Variants in TMPRSS2 observed in about 807,000 individuals in gnomAD.
TMPRSS2 encodes the protein transmembrane protease serine 2.
Under a neutral mutation model 67.4 loss-of-function variants are expected in TMPRSS2, and 59 were observed. The ratio of observed to expected loss-of-function variants is 0.88; its 90% CI spans 0.71 to 1.09. The LOEUF (loss-of-function observed/expected upper bound fraction) is 1.09. Ranked by LOEUF, TMPRSS2 falls within the 50% of genes least tolerant of loss-of-function variation. The pLI is 0.00. For synonymous variants in TMPRSS2, 257 were observed against 257.0 expected (o/e 1.00, Z 0.00); for missense variants, 668 against 642.7 (o/e 1.04, Z -0.43).
At position 41,479,341 on chromosome 21, in the gene TMPRSS2, T is replaced by C. The variant is rs112985398; in HGVS notation, c.573-59A>G. On this transcript the variant is annotated intron_variant, in intron 6 of 13. Coordinates refer to ENST00000332149, the MANE Select transcript of TMPRSS2 (RefSeq NM_005656.4). ...AAGGCATAAGCAAACACAAATCCTATACTATGTCATAATACCGCTCATACG... is the reference window on the plus strand; with the variant it reads ...AAGGCATAAGCAAACACAAATCCTACACTATGTCATAATACCGCTCATACG... 1,981 of 1,297,468 alleles carry C rather than the reference T, an allele frequency of 1.5e-3. 23 individuals are homozygous for C. In the African/African-American group the frequency reaches 0.025, roughly 17 times the overall value. The allele number at this position is 1,297,468 out of a possible 1,614,324, so 80.4% of individuals were successfully genotyped here. A position where few individuals can be genotyped will look rare whatever the true frequency, so the allele number is the denominator to read the frequency against.
rs2091247632 is a variant in TMPRSS2, at chr21:41,480,388, CG to C, written c.572+87del. The C allele has an allele frequency of 4.5e-6, 7 of 1,560,584 alleles. No individual in the cohort carries two copies. The South Asian group carries it at 8.4e-5, about 19-fold the overall frequency. On this transcript the variant is annotated intron_variant, in intron 6 of 13. Coordinates refer to ENST00000332149, the MANE Select transcript of TMPRSS2 (RefSeq NM_005656.4). ...ACAATTGTCCCCAGCACTCATGTGC[CG>C]GTGCTTTCACAGGGAGGCAGAGAGA...
chr21:41,503,122 A>AT (rs1356535600), intron 1 of TMPRSS2, among the ~76,000 whole-genome samples: 8 of 152,158 alleles, frequency 5.3e-5, no homozygotes, highest in Non-Finnish European at 4.4e-5. Flanking sequence ...TGCAGGAAAA[A>AT]ATATATATTT....
chr21:41,505,950 T>C (rs183385542), intron 1 of TMPRSS2, among the ~76,000 whole-genome samples: 99 of 152,312 alleles, frequency 6.5e-4, no homozygotes, highest in Non-Finnish European at 1.0e-4. Context: ...TACAAGATCT[T>C]GGACAAGCTT....
intron 5 of TMPRSS2, among the ~76,000 whole-genome samples, chr21:41,484,598 G>A (rs1188530502): frequency 1.3e-5 from 2 of 152,320 alleles, no homozygotes; most frequent in Middle Eastern, 3.4e-3. Flanking sequence ...ACAGCGTTAT[G>A]TTTGTCTGTT....
chr21:41,473,309 G>A lies in TMPRSS2; in HGVS notation c.899+16C>T, dbSNP rs769402700. 8.9e-6 allele frequency: 14 copies of A among 1,569,666 alleles called. No individual in the cohort carries two copies. The highest frequency in any genetic ancestry group is 4.7e-5 in the East Asian group (2 of 42,756). The stretch of plus-strand genomic sequence containing the variant: ...AGCCCTGAGCCCCCACCCGGCCCGC[G>A]CCGCCCCTGGCATACTTTTCCACGC... On this transcript the variant is annotated intron_variant, in intron 9 of 13. Transcript: ENST00000332149.
intron 11 of TMPRSS2, among the ~76,000 whole-genome samples, chr21:41,470,045 T>A (rs1380999493): frequency 6.6e-6 from 1 of 152,162 alleles, no homozygotes; most frequent in Non-Finnish European, 1.5e-5. Context: ...GGATTTGTTG[T>A]CTGTATGGCC....
At chr21:41,496,750 T>C (rs1184386938) in intron 2 of TMPRSS2, among the ~76,000 whole-genome samples, 1 of 151,710 alleles carries the variant, frequency 6.6e-6, no homozygotes, top group Non-Finnish European at 1.5e-5. Flanking sequence ...GGAGGCCACG[T>C]TTTCCTCTTA....
At chr21:41,486,971 C>T (rs1393660055) in intron 5 of TMPRSS2, 5 of 152,156 alleles carry the variant, frequency 3.3e-5, no homozygotes, top group African/African-American at 1.2e-4. Context: ...TTATGGAAAA[C>T]AGTATGGAGT....
At chr21:41,468,601 C>T in intron 11 of TMPRSS2, 63 bp from the exon 12 acceptor site, 3 of 1,576,614 alleles carry the variant, frequency 1.9e-6, no homozygotes, top group Non-Finnish European at 2.6e-6. Context: ...GGAGAGCACA[C>T]TTCCCTCCCT....
intron 1 of TMPRSS2, among the ~76,000 whole-genome samples, chr21:41,499,431 A>T (rs2091408400): frequency 6.6e-6 from 1 of 152,166 alleles, no homozygotes; most frequent in Non-Finnish European, 1.5e-5. Context: ...TTTAGCAAAA[A>T]ACCTTGCTCA....
intron 4 of TMPRSS2, 34 bp from the exon 5 acceptor site, chr21:41,488,547 G>A (rs776538203): frequency 2.5e-6 from 4 of 1,592,720 alleles, no homozygotes; most frequent in Non-Finnish European, 2.6e-6. Flanking sequence ...GTGCCCTTCA[G>A]GCTGAGAAAC....
intron 5 of TMPRSS2, among the ~76,000 whole-genome samples, chr21:41,483,793 AT>A (rs368186156): frequency 1.5e-5 from 2 of 134,818 alleles, no homozygotes; most frequent in African/African-American, 2.8e-5. Flanking sequence ...AAATATTAGG[AT>A]TTTTTTTCTC....
intron 5 of TMPRSS2, chr21:41,487,725 C>G (rs1320736717): frequency 1.3e-5 from 2 of 152,010 alleles, no homozygotes; most frequent in Non-Finnish European, 2.9e-5. Flanking sequence ...ATGAGCCCAC[C>G]CTGTGACAAC....
chr21:41,468,186 T>G (rs2091100211), intron 12 of TMPRSS2: 1 of 647,566 alleles, frequency 1.5e-6, no homozygotes, highest in South Asian at 2.1e-5. Flanking sequence ...CAAATACCGG[T>G]TTTTCAGAGG....
intron 6 of TMPRSS2, among the ~76,000 whole-genome samples, chr21:41,479,915 A>G (rs915635343): frequency 2.0e-5 from 3 of 152,138 alleles, no homozygotes; most frequent in Non-Finnish European, 4.4e-5. Context: ...AATCACTGTC[A>G]GGCGACACAC....
At chr21:41,480,716 G>A (rs758679282) in intron 5 of TMPRSS2, 114 bp from the exon 6 acceptor site, 17 of 1,421,294 alleles carry the variant, frequency 1.2e-5, no homozygotes, top group Admixed American at 2.1e-5. Flanking sequence ...TCCACTCACT[G>A]CAGCCTCCGC....
At chr21:41,507,594 CAGA>C (rs2091467101) in intron 1 of TMPRSS2, among the ~76,000 whole-genome samples, 1 of 152,234 alleles carries the variant, frequency 6.6e-6, no homozygotes. Flanking sequence ...AACCAAGAAG[CAGA>C]AGGAGTTCAG....
intron 1 of TMPRSS2, 95 bp downstream of exon 1, chr21:41,507,986 C>A (rs1321015464): frequency 6.9e-7 from 1 of 1,440,524 alleles, no homozygotes; most frequent in South Asian, 1.4e-5. Flanking sequence ...CTTTCACCTC[C>A]GGGCGGGGCA....
chr21:41,468,539 C>T lies in TMPRSS2; in HGVS notation c.1172-1G>A, dbSNP rs764048650. 6.2e-7 allele frequency: 1 copy of T among 1,613,896 alleles called. No individual in the cohort carries two copies. ...GCGTTCAGCACTTCTGAGGTCTTCC[C>T]TAAGGACAGGGAGACTTGTTGAGCT... is the stretch of plus-strand genomic sequence containing the variant. On this transcript the variant is annotated splice_acceptor_variant, in intron 11 of 13. Transcript: ENST00000332149. LOFTEE classifies it high-confidence loss of function.
Sources: gnomAD v4.1 joint callset for allele counts (sites outside exome capture counted in the v4.1 genomes callset) on GRCh38, gnomAD v4.1.1 for gene constraint, MANE v1.5 for transcripts, NCBI Gene and HGNC (gene_info 2026-07-23, HGNC 2026-07-21) for gene names.